EPHA6: variants seen among roughly 807,000 people sequenced by gnomAD.
EPHA6 encodes the protein ephrin type-A receptor 6.
A neutral mutation model predicts 112.0 loss-of-function variants in EPHA6; 50 were observed. That is an observed-to-expected ratio of 0.45 (90% CI 0.36 to 0.56). The LOEUF is 0.56. Ranked by LOEUF, EPHA6 falls within the 20% of genes least tolerant of loss-of-function variation. The pLI is 0.00. For missense variants in EPHA6, 1,280 were observed against 1,417.4 expected (o/e 0.90, Z 1.56); for synonymous variants, 529 against 490.7 (o/e 1.08, Z -1.03).
chr3:97,148,093 T>C (rs2076086595), intron 3 of EPHA6, among the ~76,000 whole-genome samples: 1 of 152,128 alleles, frequency 6.6e-6, no homozygotes, highest in South Asian at 2.1e-4. Flanking sequence ...AAAATTTTAT[T>C]GTTAACACAG....
At chr3:97,177,419 A>C (rs34834971) in intron 3 of EPHA6, among the ~76,000 whole-genome samples, 11,212 of 151,902 alleles carry the variant, frequency 0.074, 590 homozygotes, top group Non-Finnish European at 0.11. Context: ...ATTAAGTCTG[A>C]TGTTTCCTTG....
intron 2 of EPHA6, among the ~76,000 whole-genome samples, chr3:96,883,604 T>A (rs1354052527): frequency 6.6e-6 from 1 of 152,174 alleles, no homozygotes; most frequent in Non-Finnish European, 1.5e-5. Context: ...AGGTGAGAGA[T>A]GAGGATGTAG....
At chr3:97,276,608 TA>T (rs1206450376) in intron 5 of EPHA6, among the ~76,000 whole-genome samples, 4 of 152,180 alleles carry the variant, frequency 2.6e-5, no homozygotes, top group Non-Finnish European at 5.9e-5. Context: ...TGAGGTTAAC[TA>T]AGTCCTGTTG....
At chr3:97,478,226 T>C (rs2091432936) in intron 8 of EPHA6, among the ~76,000 whole-genome samples, 1 of 152,124 alleles carries the variant, frequency 6.6e-6, no homozygotes, top group Admixed American at 6.5e-5. Flanking sequence ...TATTTTTTCA[T>C]AGAGTATTTC....
chr3:97,167,911 T>C (rs1039357653), intron 3 of EPHA6, among the ~76,000 whole-genome samples: 2 of 151,992 alleles, frequency 1.3e-5, no homozygotes, highest in Non-Finnish European at 2.9e-5. Context: ...CTCTGAAGTT[T>C]TAATTATTTC....
rs139240027 is a variant in EPHA6, at chr3:97,032,046, C to A, written c.1114+44053C>A. Among the ~76,000 whole-genome samples, 1,241 of 152,160 alleles carry A rather than the reference C, an allele frequency of 8.2e-3. 8 individuals are homozygous for A. Among genetic ancestry groups the A allele is most frequent in the Non-Finnish European group, 0.013 (878 of 68,000 alleles). On this transcript the variant is annotated intron_variant, in intron 3 of 17. Coordinates refer to ENST00000389672, the MANE Select transcript of EPHA6 (RefSeq NM_001080448.3). Reference sequence around the variant, plus strand: ...ACAATAGCAAAGACTTGGAACCAAGCCAAATGTCCAACAATGATAGACTGG... The same window carrying A: ...ACAATAGCAAAGACTTGGAACCAAGACAAATGTCCAACAATGATAGACTGG...
At chr3:97,446,173 G>A (rs1478455821) in intron 6 of EPHA6, among the ~76,000 whole-genome samples, 2 of 152,160 alleles carry the variant, frequency 1.3e-5, no homozygotes, top group East Asian at 3.9e-4. Flanking sequence ...AACACCAGGA[G>A]GAGAGAGGTC....
Position 97,075,471 on chromosome 3 carries a change from A to G in EPHA6, c.1114+87478A>G, listed in dbSNP as rs570094103. ...GGCAATAATGATATGTTTAGCTTCT[A>G]GAAAACCTAAAGCACTGTAACTTAA... On this transcript the variant is annotated intron_variant, in intron 3 of 17. Transcript: ENST00000389672. Among the ~76,000 whole-genome samples the G allele has an allele frequency of 9.1e-4, 138 of 152,180 alleles. 3 individuals carry two copies. Among genetic ancestry groups the G allele is most frequent in the South Asian group, 2.9e-3 (14 of 4,828 alleles).
chr3:97,383,427 T>G (rs1427457674), intron 5 of EPHA6, among the ~76,000 whole-genome samples: 1 of 152,076 alleles, frequency 6.6e-6, no homozygotes, highest in Non-Finnish European at 1.5e-5. Flanking sequence ...TTGGTAATAT[T>G]CATTGAAAAC....
At chr3:97,068,616 T>TCACA (rs147267729) in intron 3 of EPHA6, among the ~76,000 whole-genome samples, 98 of 148,204 alleles carry the variant, frequency 6.6e-4, no homozygotes, top group African/African-American at 2.2e-3. Flanking sequence ...ATGTACACAC[T>TCACA]CACACACACA....
At chr3:97,357,777 G>A (rs1254330512) in intron 5 of EPHA6, among the ~76,000 whole-genome samples, 1 of 152,056 alleles carries the variant, frequency 6.6e-6, no homozygotes, top group African/African-American at 2.4e-5. Context: ...TGTATGTATT[G>A]TATACTATAT....
chr3:97,381,029 T>G (rs72926400), intron 5 of EPHA6, among the ~76,000 whole-genome samples: 1,716 of 152,184 alleles, frequency 0.011, 35 homozygotes, highest in African/African-American at 0.037. Context: ...CTTCTTGACC[T>G]TTATTATTAA....
At chr3:96,933,722 G>A (rs2040447093) in intron 2 of EPHA6, among the ~76,000 whole-genome samples, 1 of 152,090 alleles carries the variant, frequency 6.6e-6, no homozygotes, top group South Asian at 2.1e-4. Flanking sequence ...GAATTTTAAG[G>A]ACACAGAGTA....
intron 14 of EPHA6, among the ~76,000 whole-genome samples, chr3:97,650,141 C>T (rs917759175): frequency 9.9e-5 from 15 of 152,112 alleles, no homozygotes; most frequent in South Asian, 2.1e-4. Context: ...ACATAACAAA[C>T]GGGAGAGAAT....
chr3:96,911,154 C>G (rs898386628), intron 2 of EPHA6, among the ~76,000 whole-genome samples: 1 of 151,874 alleles, frequency 6.6e-6, no homozygotes, highest in Non-Finnish European at 1.5e-5. Context: ...AATTATTTAG[C>G]TACAGTTTTA....
At chr3:96,871,320 G>C (rs963438744) in intron 2 of EPHA6, among the ~76,000 whole-genome samples, 1 of 151,758 alleles carries the variant, frequency 6.6e-6, no homozygotes. Flanking sequence ...ATTATTAGAA[G>C]GATGAAATTA....
At chr3:96,832,426 T>C (rs990097727) in intron 1 of EPHA6, among the ~76,000 whole-genome samples, 4 of 152,082 alleles carry the variant, frequency 2.6e-5, no homozygotes, top group Non-Finnish European at 5.9e-5. Context: ...GTAACATCCT[T>C]TGTCCTGATA....
At chr3:97,543,382 T>C (rs977538454) in intron 11 of EPHA6, among the ~76,000 whole-genome samples, 10 of 152,196 alleles carry the variant, frequency 6.6e-5, no homozygotes, top group Non-Finnish European at 1.5e-4. Context: ...TTTTCTCAGG[T>C]TTGTCAAAGA....
chr3:97,636,708 G>C (rs1314465142), intron 13 of EPHA6, among the ~76,000 whole-genome samples: 1 of 152,074 alleles, frequency 6.6e-6, no homozygotes, highest in African/African-American at 2.4e-5. Context: ...TCTCTGTCCT[G>C]AAGCTGCACT....
Sources: allele counts gnomAD v4.1 joint callset (sites outside exome capture counted in the v4.1 genomes callset), GRCh38; gene constraint gnomAD v4.1.1; transcripts MANE v1.5; gene names NCBI Gene and HGNC (gene_info 2026-07-23, HGNC 2026-07-21).